The following DHRS7B variants were observed in gnomAD, a reference collection of about 807,000 sequenced individuals.
The protein encoded by DHRS7B is dehydrogenase/reductase 7B.
A neutral mutation model predicts 26.4 loss-of-function variants in DHRS7B; 24 were observed. That is an observed-to-expected ratio of 0.91 (90% CI 0.66 to 1.28). The LOEUF (loss-of-function observed/expected upper bound fraction) is 1.28, where lower values mean the gene tolerates loss of function less well. Ranked by LOEUF, DHRS7B falls within the 50% of genes most tolerant of loss-of-function variation. DHRS7B has a pLI of 0.00. For synonymous variants in DHRS7B, 142 were observed against 166.4 expected, an observed-to-expected ratio of 0.85 and a Z score of 1.13; for missense variants, 368 against 419.4, an observed-to-expected ratio of 0.88 and a Z score of 1.07.
At chr17:21,167,940 A>G (rs952941443) in intron 1 of DHRS7B, among the ~76,000 whole-genome samples, 4 of 152,220 alleles carry the variant, frequency 2.6e-5, no homozygotes, top group Non-Finnish European at 1.5e-5. Context: ...TGCTTTATGT[A>G]GATTTATTTC....
chr17:21,156,620 TAAAA>T (rs1001577270), intron 1 of DHRS7B, among the ~76,000 whole-genome samples: 4 of 137,424 alleles, frequency 2.9e-5, no homozygotes, highest in Middle Eastern at 0.012. Context: ...ATAATTATAA[TAAAA>T]AAAATAAGCC....
At chr17:21,188,923 G>A in intron 6 of DHRS7B, 60 bp downstream of exon 6, 2 of 1,598,542 alleles carry the variant, frequency 1.3e-6, no homozygotes, top group Non-Finnish European at 1.7e-6. Flanking sequence ...AGTGAGACAT[G>A]CTGCTCTTAC....
At chr17:21,182,233 T>A (rs572645167) in intron 3 of DHRS7B, among the ~76,000 whole-genome samples, 1 of 152,304 alleles carries the variant, frequency 6.6e-6, no homozygotes, top group Non-Finnish European at 1.5e-5. Flanking sequence ...TATATTATAA[T>A]GTTCAATTTT....
At chr17:21,171,668 C>A (rs1974250389) in intron 1 of DHRS7B, 2 of 393,456 alleles carry the variant, frequency 5.1e-6, no homozygotes, top group African/African-American at 4.1e-5. Flanking sequence ...TGAGGTAAGG[C>A]CAACACAGGT....
At chr17:21,141,020 C>T (rs1295737832) in intron 1 of DHRS7B, among the ~76,000 whole-genome samples, 1 of 152,132 alleles carries the variant, frequency 6.6e-6, no homozygotes, top group African/African-American at 2.4e-5. Flanking sequence ...CACCCTTTTA[C>T]ATGTCTCAGT....
chr17:21,178,164 C>T lies in DHRS7B; in HGVS notation c.200-69C>T, dbSNP rs1022651456. On this transcript the variant is annotated intron_variant, in intron 2 of 6. Coordinates refer to ENST00000395511, the MANE Select transcript of DHRS7B (RefSeq NM_015510.5). ...AAGGGTGTGAAGCAGCAAACAGCAA[C>T]GCTGGGTGAATTTAAACTGAACGGC... 2.0e-4 allele frequency: 299 copies of T among 1,468,182 alleles called. 2 individuals are homozygous for T. Among genetic ancestry groups the T allele is most frequent in the Non-Finnish European group, 2.5e-4 (266 of 1,052,516 alleles). 90.9% of individuals were successfully genotyped at this position (1,468,182 alleles called of 1,614,324 possible). A position where few individuals can be genotyped will look rare whatever the true frequency, so the allele number is the denominator to read the frequency against.
intron 3 of DHRS7B, among the ~76,000 whole-genome samples, chr17:21,178,715 A>G (rs1223083861): frequency 2.7e-5 from 4 of 147,246 alleles, no homozygotes; most frequent in African/African-American, 1.0e-4. Flanking sequence ...CTGGAGTGCA[A>G]TGGCCCAATC....
intron 1 of DHRS7B, chr17:21,166,552 AAG>A: frequency 1.4e-6 from 1 of 711,526 alleles, no homozygotes; most frequent in Non-Finnish European, 1.7e-6. Context: ...AAAAAAAAAA[AAG>A]GCAGTTTGAC....
rs768200460 is a variant in DHRS7B, at chr17:21,183,685, G to C, written c.401G>C (p.Gly134Ala). The C allele has an allele frequency of 6.2e-7, 1 of 1,614,166 alleles. No homozygotes were observed. ...GCAGCTGAGATCCTGCAGTGCTTTGGCTATGTCGACATACTTGTCAACAAT... is the reference window on the plus strand; with the variant it reads ...GCAGCTGAGATCCTGCAGTGCTTTGCCTATGTCGACATACTTGTCAACAAT... Reference protein sequence around the residue: ...AAAAEILQCFGYVDILVNNAG... With the variant: ...AAAAEILQCFAYVDILVNNAG... The change falls in exon 4 of 7, where the codon GGC (glycine) becomes GCC (alanine). Residue 134 changes from glycine to alanine, a missense_variant. Coordinates refer to ENST00000395511, the MANE Select transcript of DHRS7B (RefSeq NM_015510.5).
intron 5 of DHRS7B, among the ~76,000 whole-genome samples, chr17:21,187,495 G>A (rs377733873): frequency 2.6e-5 from 4 of 151,658 alleles, no homozygotes; most frequent in South Asian, 2.1e-4. Flanking sequence ...GCGTGGTGGC[G>A]GGTGCCTGTA....
chr17:21,182,500 C>T (rs541468351), intron 3 of DHRS7B, among the ~76,000 whole-genome samples: 11 of 152,270 alleles, frequency 7.2e-5, no homozygotes, highest in East Asian at 1.9e-4. Flanking sequence ...CCACCCACCT[C>T]GGCCTCCCAA....
chr17:21,136,032 C>T (rs113203721), intron 1 of DHRS7B, among the ~76,000 whole-genome samples: 4,133 of 152,192 alleles, frequency 0.027, 178 homozygotes, highest in African/African-American at 0.092. Context: ...GGGATGGTGA[C>T]TCATGCCTAT....
At chr17:21,150,091 G>T (rs1478531316) in intron 1 of DHRS7B, among the ~76,000 whole-genome samples, 1 of 116,662 alleles carries the variant, frequency 8.6e-6, no homozygotes, top group Non-Finnish European at 1.6e-5. Context: ...ACATAACAAG[G>T]CTCCATCTCT....
intron 2 of DHRS7B, 25 bp downstream of exon 2, chr17:21,172,221 A>G: frequency 2.5e-6 from 4 of 1,593,940 alleles, no homozygotes; most frequent in Non-Finnish European, 3.4e-6. Flanking sequence ...CAGTGCTGCC[A>G]GGGGGCGGGG....
chr17:21,187,092 A>AATAT (rs753119146), intron 5 of DHRS7B, among the ~76,000 whole-genome samples: 252 of 57,038 alleles, frequency 4.4e-3, no homozygotes, highest in Middle Eastern at 8.5e-3. Flanking sequence ...TCTGTATTAA[A>AATAT]AGATATATAT....
At chr17:21,171,361 C>T (rs1465148335) in intron 1 of DHRS7B, among the ~76,000 whole-genome samples, 1 of 152,256 alleles carries the variant, frequency 6.6e-6, no homozygotes, top group African/African-American at 2.4e-5. Flanking sequence ...GAATGCTGGG[C>T]AGGAACATGC....
chr17:21,145,322 TA>T (rs879626322), intron 1 of DHRS7B, among the ~76,000 whole-genome samples: 311 of 141,526 alleles, frequency 2.2e-3, no homozygotes, highest in Middle Eastern at 3.7e-3. Context: ...AGACGCCGTC[TA>T]AAAAAAAAAA....
intron 1 of DHRS7B, among the ~76,000 whole-genome samples, chr17:21,150,130 A>AAAC (rs1465017413): frequency 6.6e-5 from 10 of 151,248 alleles, no homozygotes; most frequent in Non-Finnish European, 1.2e-4. Flanking sequence ...AAAAAAAAAA[A>AAAC]AACTAAGGCA....
chr17:21,176,139 C>T (rs535570791), intron 2 of DHRS7B, among the ~76,000 whole-genome samples: 9 of 152,088 alleles, frequency 5.9e-5, no homozygotes, highest in Middle Eastern at 3.4e-3. Context: ...TACAGGCATG[C>T]GCCACCACAC....
Sources: gnomAD v4.1 joint callset for allele counts (sites outside exome capture counted in the v4.1 genomes callset) on GRCh38, gnomAD v4.1.1 for gene constraint, MANE v1.5 for transcripts, NCBI Gene and HGNC (gene_info 2026-07-23, HGNC 2026-07-21) for gene names.